Variants in TP73 observed in about 807,000 individuals in gnomAD.
TP73 encodes the protein p53-like transcription factor.
Under a neutral mutation model 62.5 loss-of-function variants are expected in TP73, and 25 were observed. That is an observed-to-expected ratio of 0.40 (90% CI 0.29 to 0.56). TP73 has a LOEUF of 0.56. Ranked by LOEUF, TP73 falls within the 20% of genes least tolerant of loss-of-function variation. The probability of loss-of-function intolerance (pLI) is 0.46; values close to 1 mark genes in which losing one functional copy is unlikely to be tolerated. For synonymous variants in TP73, 423 were observed against 377.5 expected (o/e 1.12, Z -1.40); for missense variants, 754 against 913.3 (o/e 0.83, Z 2.25).
Position 3,701,006 on chromosome 1 carries a change from C to T in TP73, c.187-6543C>T, listed in dbSNP as rs975219554. ...GCCCTCCACATTCTGAGGAAGGCAGCCTGGACCCTGGGCACTGTCTGGGCT... is the reference window on the plus strand; with the variant it reads ...GCCCTCCACATTCTGAGGAAGGCAGTCTGGACCCTGGGCACTGTCTGGGCT... On this transcript the variant is annotated intron_variant, in intron 3 of 13. Transcript: ENST00000378295. This position sits in a 1 kb window ranked among gnomAD's most constrained non-coding sequence, Gnocchi z 4.7. Among the ~76,000 whole-genome samples, 1 of 152,210 alleles carries T rather than the reference C, an allele frequency of 6.6e-6. No homozygotes were observed. The highest frequency in any genetic ancestry group is 1.5e-5 in the Non-Finnish European group (1 of 68,034).
At chr1:3,661,768 T>C (rs1271208017) in intron 1 of TP73, among the ~76,000 whole-genome samples, 10 of 148,054 alleles carry the variant, frequency 6.8e-5, no homozygotes, top group African/African-American at 2.5e-4. Flanking sequence ...ACATACACTA[T>C]ATATAATATG....
chr1:3,703,322 G>A (rs114298302), intron 3 of TP73, among the ~76,000 whole-genome samples: 146 of 152,254 alleles, frequency 9.6e-4, no homozygotes, highest in African/African-American at 3.4e-3. Context: ...CCCCCACCCC[G>A]TGTCACTGAG....
chr1:3,687,103 G>T (rs545875784), intron 3 of TP73, among the ~76,000 whole-genome samples: 1 of 152,192 alleles, frequency 6.6e-6, no homozygotes, highest in East Asian at 1.9e-4. Context: ...GAGCTGTCCC[G>T]TGCCTTAGGC....
intron 3 of TP73, among the ~76,000 whole-genome samples, chr1:3,689,243 A>G (rs1645745246): frequency 6.6e-6 from 1 of 152,092 alleles, no homozygotes; most frequent in Non-Finnish European, 1.5e-5. Context: ...TCTGGGCCCC[A>G]GCCGACCCCC....
At position 3,731,502 on chromosome 1, in the gene TP73, T is replaced by C. The variant is rs143442213; in HGVS notation, c.1524T>C (p.Tyr508=). 7.8e-5 allele frequency: 126 copies of C among 1,613,702 alleles called. 1 individual carries two copies. The highest frequency in any genetic ancestry group is 9.3e-5 in the African/African-American group (7 of 74,932). The part of the protein sequence containing the change: ...TGLGCPNCIE[Y]FTSQGLQSIY... ...TGGGGTGTCCAAACTGCATCGAGTA[T>C]TTCACCTCCCAAGGGTTACAGAGCA... is the stretch of plus-strand genomic sequence containing the variant. Residue 508 remains tyrosine, a synonymous_variant, in exon 13 of 14, where the codon TAT becomes TAC. Coordinates refer to ENST00000378295, the MANE Select transcript of TP73 (RefSeq NM_005427.4).
At chr1:3,668,177 G>A (rs1435122519) in intron 1 of TP73, among the ~76,000 whole-genome samples, 1 of 152,190 alleles carries the variant, frequency 6.6e-6, no homozygotes, top group Non-Finnish European at 1.5e-5. Flanking sequence ...CTGCCAGGAG[G>A]TCACTGCAGC....
rs2124567264 is a variant in TP73 at position 3,736,162 on chromosome 1, T to A, written c.*3083T>A. 6.6e-6 allele frequency: 1 copy of A among 152,350 alleles called. No homozygotes were observed. Among genetic ancestry groups the A allele is most frequent in the African/African-American group, 2.4e-5 (1 of 41,582 alleles). The allele number at this position is 152,350 out of a possible 1,614,324, so 9.4% of individuals were successfully genotyped here. ...TTTTTTAGCTGTGTTTCAGTGGGGA[T>A]TTTTGTTTTTGTAACATAATAAAGT... On this transcript the variant is annotated 3_prime_UTR_variant, in exon 14 of 14. Transcript: ENST00000378295.
chr1:3,724,097 C>G (rs1441504876), intron 6 of TP73, among the ~76,000 whole-genome samples: 1 of 149,976 alleles, frequency 6.7e-6, no homozygotes, highest in Non-Finnish European at 1.5e-5. Flanking sequence ...AGGCTGGGGG[C>G]TTTGACTTTT....
intron 3 of TP73, among the ~76,000 whole-genome samples, chr1:3,684,278 A>C (rs1003722878): frequency 3.3e-5 from 5 of 152,214 alleles, no homozygotes; most frequent in Non-Finnish European, 4.4e-5. Flanking sequence ...TGCGCTGCGG[A>C]AAACCAGCCC....
chr1:3,660,383 C>T (rs144120356), intron 1 of TP73, among the ~76,000 whole-genome samples: 15 of 152,332 alleles, frequency 9.8e-5, no homozygotes, highest in Non-Finnish European at 1.9e-4. Flanking sequence ...CTTAAAGCTA[C>T]TCACATCTGA....
chr1:3,687,336 C>A (rs1197130000), intron 3 of TP73, among the ~76,000 whole-genome samples: 2 of 152,168 alleles, frequency 1.3e-5, no homozygotes, highest in African/African-American at 4.8e-5. Context: ...CTGGATGCCA[C>A]CTGGGTGGGG....
chr1:3,688,942 T>C (rs190989643), intron 3 of TP73, among the ~76,000 whole-genome samples: 390 of 152,288 alleles, frequency 2.6e-3, no homozygotes, highest in African/African-American at 9.1e-3. Flanking sequence ...TGCATGGGAC[T>C]CGCCTGAGTC....
chr1:3,659,931 C>T (rs993392244), intron 1 of TP73, among the ~76,000 whole-genome samples: 8 of 152,174 alleles, frequency 5.3e-5, no homozygotes, highest in Non-Finnish European at 2.9e-5. Context: ...CCACCCACTT[C>T]GGCCTCCCAA....
intron 1 of TP73, among the ~76,000 whole-genome samples, chr1:3,681,747 G>C (rs974627450): frequency 2.0e-5 from 3 of 152,088 alleles, no homozygotes; most frequent in Admixed American, 2.0e-4. Flanking sequence ...CACACACGCT[G>C]TTCCCAAGAT....
Position 3,707,550 on chromosome 1 carries a change from C to A in TP73, c.188C>A (p.Ala63Asp). ...CCCTCCTCCCCTTTCCCGCGCCAGG[C>A]CCAGTTCAATCTGCTGAGCAGCACC... The part of the protein sequence containing the change: ...HLEGMTTSVM[A>D]QFNLLSSTMD... The change falls in exon 4 of 14, where the codon GCC (alanine) becomes GAC (aspartate). Residue 63 changes from alanine (A) to aspartate (D), a missense_variant and splice_region_variant. Coordinates refer to ENST00000378295, the MANE Select transcript of TP73 (RefSeq NM_005427.4). The A allele has an allele frequency of 6.2e-7, 1 of 1,606,400 alleles. No individual in the cohort carries two copies. Among genetic ancestry groups the A allele is most frequent in the South Asian group, 1.1e-5 (1 of 90,928 alleles).
chr1:3,667,172 T>C (rs1645137759), intron 1 of TP73, among the ~76,000 whole-genome samples: 1 of 151,904 alleles, frequency 6.6e-6, no homozygotes, highest in Non-Finnish European at 1.5e-5. Context: ...TCCCAGGGCC[T>C]CCAGAACCAA....
intron 3 of TP73, among the ~76,000 whole-genome samples, chr1:3,693,780 A>C (rs375274166): frequency 9.6e-4 from 121 of 125,912 alleles, no homozygotes; most frequent in African/African-American, 3.3e-3. Flanking sequence ...ATGCAGCCTC[A>C]GCCCCTCCTC....
At chr1:3,667,138 G>A (rs1037070695) in intron 1 of TP73, among the ~76,000 whole-genome samples, 1 of 152,158 alleles carries the variant, frequency 6.6e-6, no homozygotes, top group Non-Finnish European at 1.5e-5. Flanking sequence ...GCGGAAGCAG[G>A]AGAGGACGGG....
intron 4 of TP73, among the ~76,000 whole-genome samples, chr1:3,714,557 G>A (rs1423770593): frequency 3.3e-5 from 5 of 152,358 alleles, no homozygotes; most frequent in Admixed American, 3.3e-4. Context: ...GGCCCCTCGT[G>A]GGACAGCTCC....
Sources: gnomAD v4.1 joint callset for allele counts (sites outside exome capture counted in the v4.1 genomes callset) on GRCh38, gnomAD v4.1.1 for gene constraint, Gnocchi (gnomAD v3.1) non-coding constraint, MANE v1.5 for transcripts, NCBI Gene and HGNC (gene_info 2026-07-23, HGNC 2026-07-21) for gene names.